Variants in PPP2R2B observed in about 807,000 individuals in gnomAD.
The protein encoded by PPP2R2B is protein phosphatase 2 regulatory subunit Bbeta.
A neutral mutation model predicts 46.0 loss-of-function variants in PPP2R2B; 5 were observed. The observed-to-expected ratio is 0.11, with a 90% CI of 0.06 to 0.23. The LOEUF (loss-of-function observed/expected upper bound fraction) is 0.23. Among genes scored for constraint, PPP2R2B ranks in the 10% least tolerant of loss-of-function variants. The pLI is 1.00. For synonymous variants in PPP2R2B, 215 were observed against 206.7 expected (o/e 1.04, Z -0.34); for missense variants, 367 against 575.0 (o/e 0.64, Z 3.70).
chr5:146,960,629 C>T (rs111660313), intron 1 of PPP2R2B, among the ~76,000 whole-genome samples: 18 of 152,208 alleles, frequency 1.2e-4, no homozygotes, highest in African/African-American at 4.1e-4. Flanking sequence ...GAATGGAAAA[C>T]CATTAGACCT....
chr5:146,927,733 T>C (rs958458528), intron 1 of PPP2R2B, among the ~76,000 whole-genome samples: 1 of 151,612 alleles, frequency 6.6e-6, no homozygotes, highest in Non-Finnish European at 1.5e-5. Context: ...AGCCATACTT[T>C]CTTCTTTTTT....
At chr5:146,690,206 C>T (rs895019484) in intron 5 of PPP2R2B, among the ~76,000 whole-genome samples, 1 of 152,182 alleles carries the variant, frequency 6.6e-6, no homozygotes, top group Non-Finnish European at 1.5e-5. Flanking sequence ...AGGGCTATCC[C>T]AACATGTGCC....
chr5:146,815,498 G>C (rs1311344254), intron 2 of PPP2R2B, among the ~76,000 whole-genome samples: 1 of 152,254 alleles, frequency 6.6e-6, no homozygotes, highest in African/African-American at 2.4e-5. Flanking sequence ...AGGATTTAGA[G>C]TACCTACTAG....
At chr5:146,943,172 G>A (rs1764376702) in intron 1 of PPP2R2B, among the ~76,000 whole-genome samples, 1 of 152,080 alleles carries the variant, frequency 6.6e-6, no homozygotes, top group African/African-American at 2.4e-5. Context: ...CATGTTTTTA[G>A]TACAGGGTAT....
intron 1 of PPP2R2B, among the ~76,000 whole-genome samples, chr5:146,973,446 CT>C: frequency 6.6e-6 from 1 of 152,302 alleles, no homozygotes; most frequent in Non-Finnish European, 1.5e-5. Flanking sequence ...TTTCTTTAAC[CT>C]TACTTCAGCA....
At chr5:146,619,421 A>G (rs1489084961) in intron 7 of PPP2R2B, among the ~76,000 whole-genome samples, 2 of 151,818 alleles carry the variant, frequency 1.3e-5, no homozygotes, top group African/African-American at 4.8e-5. Flanking sequence ...CGGAGATTGC[A>G]CTCCAGCCTG....
chr5:146,914,418 T>C (rs1307437949), intron 1 of PPP2R2B: 2 of 152,184 alleles, frequency 1.3e-5, no homozygotes, highest in African/African-American at 4.8e-5. Flanking sequence ...CACTGCATCC[T>C]GGTACGTCAT....
At chr5:146,813,467 T>C (rs1757750199) in intron 2 of PPP2R2B, among the ~76,000 whole-genome samples, 1 of 152,054 alleles carries the variant, frequency 6.6e-6, no homozygotes, top group Non-Finnish European at 1.5e-5. Context: ...TTTGTAGAAG[T>C]CAAGTGGAAG....
At chr5:147,000,629 C>G (rs570547671) in intron 1 of PPP2R2B, among the ~76,000 whole-genome samples, 1,076 of 84,352 alleles carry the variant, frequency 0.013, 11 homozygotes, top group African/African-American at 0.066. Context: ...TGATCAGTAA[C>G]TATTAGGTTG....
At chr5:147,039,819 C>CT (rs1756212083) in intron 1 of PPP2R2B, among the ~76,000 whole-genome samples, 1 of 152,132 alleles carries the variant, frequency 6.6e-6, no homozygotes, top group African/African-American at 2.4e-5. Context: ...TCCATCTGTC[C>CT]TTTACAGTGC....
chr5:146,590,501 T>C (rs1343342772), intron 9 of PPP2R2B, among the ~76,000 whole-genome samples: 1 of 150,308 alleles, frequency 6.7e-6, no homozygotes, highest in Non-Finnish European at 1.5e-5. Context: ...TTTTGCTCAA[T>C]AGATTCTTTT....
Position 146,759,472 on chromosome 5 carries a change from A to C in PPP2R2B, c.71-58330T>G, listed in dbSNP as rs6878568. Among the ~76,000 whole-genome samples the C allele has an allele frequency of 7.7e-3, 1,173 of 152,334 alleles. 12 individuals are homozygous for C. The highest frequency in any genetic ancestry group is 0.026 in the African/African-American group (1,093 of 41,582). ...GCACATTACTGACATGTTTAGAGTC[A>C]GCCAATCAGCAACAGAATTCTGATT... On this transcript the variant is annotated intron_variant, in intron 2 of 9. Transcript: ENST00000394411.
At chr5:146,617,507 G>A (rs891566926) in intron 7 of PPP2R2B, among the ~76,000 whole-genome samples, 11 of 152,120 alleles carry the variant, frequency 7.2e-5, no homozygotes, top group African/African-American at 2.4e-4. Context: ...ATAAAAAGAC[G>A]TCAACAAGTT....
intron 1 of PPP2R2B, among the ~76,000 whole-genome samples, chr5:146,971,950 T>A (rs2151848875): frequency 6.6e-6 from 1 of 152,318 alleles, no homozygotes; most frequent in African/African-American, 2.4e-5. Flanking sequence ...GCAACTAACA[T>A]TAATATATTA....
chr5:146,851,001 G>A (rs1043532048), intron 2 of PPP2R2B, among the ~76,000 whole-genome samples: 6 of 152,088 alleles, frequency 3.9e-5, no homozygotes, highest in Non-Finnish European at 7.4e-5. Flanking sequence ...CCCCAAGGAT[G>A]AGTAAATAAA....
At chr5:147,032,664 G>A (rs1755845498) in intron 1 of PPP2R2B, among the ~76,000 whole-genome samples, 1 of 152,128 alleles carries the variant, frequency 6.6e-6, no homozygotes, top group African/African-American at 2.4e-5. Flanking sequence ...TTCTCATCCA[G>A]ATCACTGCAA....
rs1015862500 is a variant in PPP2R2B, at chr5:146,587,674, T to G, written c.*2273A>C. On this transcript the variant is annotated 3_prime_UTR_variant, in exon 10 of 10. Coordinates refer to ENST00000394411, the MANE Select transcript of PPP2R2B (RefSeq NM_181675.4). ...GGGTCCCAAAGTTTGATACACATGCTCCTGGTGGTTCACAAAATGATTTCA... is the reference window on the plus strand; with the variant it reads ...GGGTCCCAAAGTTTGATACACATGCGCCTGGTGGTTCACAAAATGATTTCA... 1 of 152,214 alleles carries G rather than the reference T, an allele frequency of 6.6e-6. No homozygotes were observed. The highest frequency in any genetic ancestry group is 1.5e-5 in the Non-Finnish European group (1 of 68,032). The allele number at this position is 152,214 out of a possible 1,614,324, so 9.4% of individuals were successfully genotyped here. A position where few individuals can be genotyped will look rare whatever the true frequency, so the allele number is the denominator to read the frequency against.
intron 2 of PPP2R2B, among the ~76,000 whole-genome samples, chr5:146,832,631 TCCA>T (rs1278349912): frequency 6.6e-6 from 1 of 151,996 alleles, no homozygotes; most frequent in Non-Finnish European, 1.5e-5. Flanking sequence ...CCTTAGGAGA[TCCA>T]CCTGCCTCGG....
chr5:146,918,209 CA>C (rs1395413081), intron 1 of PPP2R2B, among the ~76,000 whole-genome samples: 2 of 152,176 alleles, frequency 1.3e-5, no homozygotes, highest in Non-Finnish European at 2.9e-5. Flanking sequence ...GGCAGAGAAG[CA>C]AAGAAACAGG....
Sources: gnomAD v4.1 joint callset for allele counts (sites outside exome capture counted in the v4.1 genomes callset) on GRCh38, gnomAD v4.1.1 for gene constraint, MANE v1.5 for transcripts, NCBI Gene and HGNC (gene_info 2026-07-23, HGNC 2026-07-21) for gene names.